The following RAD54B variants were observed in gnomAD, a reference collection of about 807,000 sequenced individuals.
The protein encoded by RAD54B is DNA repair and recombination protein RAD54B.
In RAD54B, 78 loss-of-function variants were observed where a neutral mutation model predicts 95.8. That is an observed-to-expected ratio of 0.81 (90% confidence interval 0.68 to 0.98). RAD54B has a LOEUF of 0.98. RAD54B is among the 50% of genes least tolerant of loss of function. RAD54B has a pLI of 0.00. For missense variants in RAD54B, 957 were observed against 1,056.6 expected (o/e 0.91, Z 1.31); for synonymous variants, 328 against 354.9 (o/e 0.92, Z 0.85).
At chr8:94,385,932 G>A (rs1227609458) in intron 11 of RAD54B, among the ~76,000 whole-genome samples, 1 of 152,126 alleles carries the variant, frequency 6.6e-6, no homozygotes, top group Non-Finnish European at 1.5e-5. Flanking sequence ...TGGAAAAGGA[G>A]GCATTAACCA....
chr8:94,458,646 T>C (rs1812832636), intron 2 of RAD54B, among the ~76,000 whole-genome samples: 1 of 152,118 alleles, frequency 6.6e-6, no homozygotes, highest in African/African-American at 2.4e-5. Flanking sequence ...GCGGGTGAAT[T>C]ACTTGAGGTC....
At chr8:94,384,369 C>G (rs1397586102) in intron 11 of RAD54B, among the ~76,000 whole-genome samples, 1 of 151,962 alleles carries the variant, frequency 6.6e-6, no homozygotes, top group African/African-American at 2.4e-5. Context: ...ACCTGGAGGA[C>G]ATTATGTTAA....
In RAD54B at chr8:94,400,460, C is replaced by A; in HGVS notation, c.948G>T (p.Met316Ile). The change falls in exon 7 of 15, where the codon ATG becomes ATT. Residue 316 changes from methionine (M) to isoleucine (I), a missense_variant. Physicochemically the swap from Met to Ile is conservative, Grantham distance 10 (BLOSUM62 1). Coordinates refer to ENST00000336148, the MANE Select transcript of RAD54B (RefSeq NM_012415.3). ...FLYECVMGMR[M>I]NGRCGAILAD... ...CAAGAATAGCTCCACATCTGCCATT[C>A]ATTCTGTTAGAAATAATTTTACTTC... 1 of 1,600,622 alleles carries A rather than the reference C, an allele frequency of 6.2e-7. No individual in the cohort carries two copies. The highest frequency in any genetic ancestry group is 8.5e-7 in the Non-Finnish European group (1 of 1,172,690).
intron 3 of RAD54B, among the ~76,000 whole-genome samples, chr8:94,427,109 A>T (rs1051152869): frequency 1.3e-5 from 2 of 151,968 alleles, no homozygotes; most frequent in East Asian, 3.8e-4. Flanking sequence ...ATGTTAGGGG[A>T]AAAAAAACTT....
At chr8:94,373,237 T>C (rs1810483458) in intron 14 of RAD54B, 1 of 152,214 alleles carries the variant, frequency 6.6e-6, no homozygotes, top group African/African-American at 2.4e-5. Flanking sequence ...CAAAGAATAA[T>C]GCAAAAGAAG....
At chr8:94,405,323 C>G (rs959272300) in intron 5 of RAD54B, among the ~76,000 whole-genome samples, 6 of 151,784 alleles carry the variant, frequency 4.0e-5, no homozygotes, top group African/African-American at 1.5e-4. Flanking sequence ...ATGCCTACAT[C>G]ATGTTTATAA....
chr8:94,413,013 T>G (rs532095491), intron 3 of RAD54B, among the ~76,000 whole-genome samples: 1 of 152,046 alleles, frequency 6.6e-6, no homozygotes, highest in East Asian at 1.9e-4. Flanking sequence ...TAACAAAAGA[T>G]AACCCAGATC....
intron 10 of RAD54B, among the ~76,000 whole-genome samples, chr8:94,388,892 T>C (rs745383080): frequency 1.1e-4 from 16 of 152,210 alleles, no homozygotes; most frequent in Non-Finnish European, 1.6e-4. Flanking sequence ...CAGTTTTTCA[T>C]CTTCAGAAAC....
chr8:94,426,625 T>C (rs1811948145), intron 3 of RAD54B, among the ~76,000 whole-genome samples: 1 of 152,198 alleles, frequency 6.6e-6, no homozygotes, highest in South Asian at 2.1e-4. Context: ...ATGATTCCAA[T>C]TACATGAAGT....
chr8:94,443,391 G>A (rs1369055739), intron 3 of RAD54B, among the ~76,000 whole-genome samples: 2 of 152,028 alleles, frequency 1.3e-5, no homozygotes, highest in African/African-American at 4.8e-5. Flanking sequence ...GGGATGACCT[G>A]TGCAGCAAAC....
At chr8:94,407,348 A>G (rs1037696853) in intron 5 of RAD54B, 91 bp downstream of exon 5, 7 of 1,307,346 alleles carry the variant, frequency 5.4e-6, no homozygotes, top group Non-Finnish European at 7.3e-6. Context: ...TTCACCTAAA[A>G]CTTTTAAAAC....
intron 3 of RAD54B, among the ~76,000 whole-genome samples, chr8:94,446,174 G>A (rs1042783678): frequency 6.6e-6 from 1 of 152,132 alleles, no homozygotes. Flanking sequence ...AGATAAATTA[G>A]ATATAATAGT....
rs1007056717 is a variant in RAD54B at position 94,430,096 on chromosome 8, G to A, written c.305-18781C>T. 19 of 843,206 alleles carry A rather than the reference G, an allele frequency of 2.3e-5. No homozygotes were observed. The East Asian group carries it at 1.4e-3, about 61-fold the overall frequency. The allele number at this position is 843,206 out of a possible 1,614,324, so 52.2% of individuals were successfully genotyped here. A position where few individuals can be genotyped will look rare whatever the true frequency, so the allele number is the denominator to read the frequency against. ...TGGGAGGCCGAGGCGGGCAGATCACGAGGTCAGGAGATCAAGACCATCCTG... is the reference window on the plus strand; with the variant it reads ...TGGGAGGCCGAGGCGGGCAGATCACAAGGTCAGGAGATCAAGACCATCCTG... On this transcript the variant is annotated intron_variant, in intron 3 of 14. Transcript: ENST00000336148.
At chr8:94,395,394 T>C (rs1481603717) in intron 8 of RAD54B, among the ~76,000 whole-genome samples, 4 of 152,238 alleles carry the variant, frequency 2.6e-5, no homozygotes, top group Non-Finnish European at 4.4e-5. Flanking sequence ...CTCTAGAGCA[T>C]AAACTGCACC....
intron 3 of RAD54B, among the ~76,000 whole-genome samples, chr8:94,420,418 G>A (rs953807414): frequency 6.6e-6 from 1 of 151,444 alleles, no homozygotes; most frequent in Non-Finnish European, 1.5e-5. Context: ...ACCAAGCCCG[G>A]CTAATTTTTT....
intron 2 of RAD54B, among the ~76,000 whole-genome samples, chr8:94,463,873 C>T (rs1812959860): frequency 1.5e-5 from 2 of 137,800 alleles, no homozygotes; most frequent in Admixed American, 1.6e-4. Flanking sequence ...CATGATGGTG[C>T]CATCATCAAG....
chr8:94,448,785 G>A (rs1159195748), intron 3 of RAD54B, among the ~76,000 whole-genome samples: 2 of 151,734 alleles, frequency 1.3e-5, no homozygotes, highest in Non-Finnish European at 2.9e-5. Flanking sequence ...AGGAGGGAGA[G>A]GAAATCGGGA....
intron 3 of RAD54B, among the ~76,000 whole-genome samples, chr8:94,419,220 A>C (rs963728161): frequency 2.0e-5 from 3 of 152,198 alleles, no homozygotes; most frequent in Admixed American, 6.5e-5. Flanking sequence ...TTAAAATTAA[A>C]GCAAAAAGGT....
chr8:94,445,773 C>T (rs1812506748), intron 3 of RAD54B, among the ~76,000 whole-genome samples: 1 of 151,882 alleles, frequency 6.6e-6, no homozygotes, highest in Admixed American at 6.6e-5. Context: ...TCAAGTGATC[C>T]TCCCACCTCA....
Sources: allele counts gnomAD v4.1 joint callset (sites outside exome capture counted in the v4.1 genomes callset), GRCh38; gene constraint gnomAD v4.1.1; transcripts MANE v1.5; gene names NCBI Gene and HGNC (gene_info 2026-07-23, HGNC 2026-07-21).